The following ADGRL3 variants were observed in gnomAD, a reference collection of about 807,000 sequenced individuals.
ADGRL3 encodes the protein adhesion G protein-coupled receptor L3.
In ADGRL3, 62 loss-of-function variants were observed where a neutral mutation model predicts 153.5. The ratio of observed to expected loss-of-function variants is 0.40; its 90% CI spans 0.33 to 0.50. ADGRL3 has a LOEUF of 0.50. Among genes scored for constraint, ADGRL3 ranks in the 20% least tolerant of loss-of-function variants. The pLI, the probability that ADGRL3 is intolerant of heterozygous loss-of-function variation, is 0.47. For synonymous variants in ADGRL3, 710 were observed against 672.5 expected, an observed-to-expected ratio of 1.06 and a Z score of -0.86; for missense variants, 1,641 against 1,859.4, an observed-to-expected ratio of 0.88 and a Z score of 2.16.
At chr4:61,228,052 A>G (rs1748758632) in intron 1 of ADGRL3, among the ~76,000 whole-genome samples, 1 of 152,248 alleles carries the variant, frequency 6.6e-6, no homozygotes, top group South Asian at 2.1e-4. Flanking sequence ...ACATTCATAC[A>G]GTTCTATTAA....
At chr4:61,993,536 C>T (rs1560478833) in intron 19 of ADGRL3, among the ~76,000 whole-genome samples, 1 of 151,930 alleles carries the variant, frequency 6.6e-6, no homozygotes, top group Non-Finnish European at 1.5e-5. Flanking sequence ...AAGTGATCTA[C>T]CCACCTCGGC....
intron 2 of ADGRL3, among the ~76,000 whole-genome samples, chr4:61,457,768 A>G (rs922714803): frequency 6.6e-6 from 1 of 151,808 alleles, no homozygotes; most frequent in African/African-American, 2.4e-5. Context: ...ACTGACATGT[A>G]AAATGATTGG....
intron 1 of ADGRL3, among the ~76,000 whole-genome samples, chr4:61,261,865 A>G (rs949806258): frequency 6.6e-6 from 1 of 152,168 alleles, no homozygotes; most frequent in Non-Finnish European, 1.5e-5. Flanking sequence ...GAGGATAAAA[A>G]TATTTGAGGC....
At chr4:61,549,595 G>A (rs1157916499) in intron 4 of ADGRL3, among the ~76,000 whole-genome samples, 1 of 149,586 alleles carries the variant, frequency 6.7e-6, no homozygotes, top group East Asian at 2.1e-4. Flanking sequence ...ATTCTCTGTG[G>A]AAGACTAGAT....
In ADGRL3 at chr4:62,073,967, C is replaced by CAT. The variant is rs1336604523; in HGVS notation, c.*3064_*3065dup. 1 of 151,992 alleles carries CAT rather than the reference C, an allele frequency of 6.6e-6. No individual in the cohort carries two copies. The highest frequency in any genetic ancestry group is 6.6e-5 in the Admixed American group (1 of 15,258). The allele number at this position is 151,992 out of a possible 1,614,324, so 9.4% of individuals were successfully genotyped here. ...TTACATACATTTCAATAGAAATTTG[C>CAT]ATATATCTAACATATTCATTTTGTC... On this transcript the variant is annotated 3_prime_UTR_variant, in exon 27 of 27. Transcript: ENST00000683033.
At chr4:61,438,639 TA>T (rs1297874470) in intron 2 of ADGRL3, among the ~76,000 whole-genome samples, 1 of 151,888 alleles carries the variant, frequency 6.6e-6, no homozygotes, top group East Asian at 1.9e-4. Flanking sequence ...TGATAAGTGT[TA>T]AATATTAGTT....
At chr4:61,856,849 C>T (rs984063833) in intron 9 of ADGRL3, among the ~76,000 whole-genome samples, 2 of 151,342 alleles carry the variant, frequency 1.3e-5, no homozygotes, top group Non-Finnish European at 2.9e-5. Context: ...GGTGATCCAC[C>T]TTTGCCTCCC....
intron 6 of ADGRL3, among the ~76,000 whole-genome samples, chr4:61,704,365 A>G (rs2095820464): frequency 6.6e-6 from 1 of 152,236 alleles, no homozygotes; most frequent in South Asian, 2.1e-4. Context: ...TAGTACATAT[A>G]AAGGTAATGT....
intron 3 of ADGRL3, among the ~76,000 whole-genome samples, chr4:61,505,384 T>C (rs1432859683): frequency 6.6e-6 from 1 of 152,124 alleles, no homozygotes; most frequent in Non-Finnish European, 1.5e-5. Context: ...TCCTCACTTT[T>C]TTATTGTTAT....
At chr4:62,009,071 A>C (rs891793101) in intron 21 of ADGRL3, among the ~76,000 whole-genome samples, 13 of 152,178 alleles carry the variant, frequency 8.5e-5, no homozygotes, top group Non-Finnish European at 1.9e-4. Context: ...AGAACACTCT[A>C]TAATCACACT....
chr4:61,378,052 A>C (rs2096625315), intron 1 of ADGRL3, among the ~76,000 whole-genome samples: 1 of 151,956 alleles, frequency 6.6e-6, no homozygotes, highest in Non-Finnish European at 1.5e-5. Context: ...TAGGCAACAC[A>C]ATTTATATGA....
At chr4:61,615,608 G>A (rs2091913943) in intron 5 of ADGRL3, among the ~76,000 whole-genome samples, 2 of 151,328 alleles carry the variant, frequency 1.3e-5, no homozygotes, top group Non-Finnish European at 3.0e-5. Context: ...GTATGTTTGT[G>A]TATGTGTGTT....
At chr4:61,730,445 A>G (rs1396008044) in intron 6 of ADGRL3, among the ~76,000 whole-genome samples, 177 bp from the exon 7 acceptor site, 2 of 151,914 alleles carry the variant, frequency 1.3e-5, no homozygotes, top group Admixed American at 6.6e-5. Flanking sequence ...ATTTTTAAAT[A>G]ACTGTATTAG....
chr4:61,939,330 A>G (rs1030267898), intron 15 of ADGRL3, among the ~76,000 whole-genome samples: 4 of 152,224 alleles, frequency 2.6e-5, no homozygotes, highest in Admixed American at 1.3e-4. Context: ...ATTTTATAAT[A>G]TCACAAAAAG....
intron 2 of ADGRL3, among the ~76,000 whole-genome samples, chr4:61,423,087 GAACTAGGT>G (rs1219974365): frequency 1.3e-5 from 2 of 152,112 alleles, no homozygotes; most frequent in African/African-American, 4.8e-5. Context: ...AAGACATTAA[GAACTAGGT>G]AAAATTTTGA....
intron 2 of ADGRL3, among the ~76,000 whole-genome samples, chr4:61,392,580 G>A (rs1274426517): frequency 6.7e-6 from 1 of 149,842 alleles, no homozygotes; most frequent in Non-Finnish European, 1.5e-5. Context: ...CAGCTACTTC[G>A]TAGGCTGAGG....
intron 21 of ADGRL3, among the ~76,000 whole-genome samples, chr4:62,007,405 T>C (rs1581853288): frequency 8.9e-5 from 7 of 78,768 alleles, no homozygotes; most frequent in Non-Finnish European, 1.4e-4. Context: ...CATATATATA[T>C]ACACGTATAT....
At position 61,334,667 on chromosome 4, in the gene ADGRL3, G is replaced by A. The variant is rs1160217988; in HGVS notation, c.-239-48457G>A. 2.6e-5 allele frequency among the ~76,000 whole-genome samples: 4 copies of A among 151,962 alleles called. No individual in the cohort carries two copies. In the East Asian group the frequency reaches 5.8e-4, roughly 22 times the overall value. On this transcript the variant is annotated intron_variant, in intron 1 of 26. Transcript: ENST00000683033. ...ACTTCTGCAGCTATGTCTCCAATTG[G>A]GTTTTACTATGTTAATTGCTTTTTT...
intron 1 of ADGRL3, among the ~76,000 whole-genome samples, chr4:61,317,549 T>C (rs2150677034): frequency 6.6e-6 from 1 of 152,312 alleles, no homozygotes; most frequent in Middle Eastern, 3.4e-3. Flanking sequence ...TTTCTCCTTC[T>C]TGTGTAAGGC....
Sources: gnomAD v4.1 joint callset for allele counts (sites outside exome capture counted in the v4.1 genomes callset) on GRCh38, gnomAD v4.1.1 for gene constraint, MANE v1.5 for transcripts, NCBI Gene and HGNC (gene_info 2026-07-23, HGNC 2026-07-21) for gene names.